The following IQGAP2 variants were observed in gnomAD, a reference collection of about 807,000 sequenced individuals.
IQGAP2 encodes ras GTPase-activating-like protein IQGAP2.
IQGAP2 carries 173 observed loss-of-function variants against 201.3 expected under a neutral mutation model. The ratio of observed to expected loss-of-function variants is 0.86; its 90% confidence interval spans 0.76 to 0.98. The LOEUF (loss-of-function observed/expected upper bound fraction) is 0.98, where lower values mean the gene tolerates loss of function less well. Among genes scored for constraint, IQGAP2 ranks in the 50% least tolerant of loss-of-function variants. The probability of loss-of-function intolerance (pLI) is 0.00; values close to 1 mark genes in which losing one functional copy is unlikely to be tolerated. For synonymous variants in IQGAP2, 675 were observed against 673.9 expected (o/e 1.00, Z -0.03); for missense variants, 1,687 against 1,864.8 (o/e 0.90, Z 1.76).
chr5:76,489,493 G>A (rs529346232), intron 2 of IQGAP2, among the ~76,000 whole-genome samples: 6 of 151,810 alleles, frequency 4.0e-5, no homozygotes, highest in East Asian at 1.9e-4. Context: ...ATGGAGTCTC[G>A]CTCTGTCCCC....
chr5:76,446,989 A>G (rs919688721), intron 1 of IQGAP2, among the ~76,000 whole-genome samples: 5 of 152,188 alleles, frequency 3.3e-5, no homozygotes, highest in South Asian at 2.1e-4. Flanking sequence ...GCACCAGTGC[A>G]TTAAGAAGGT....
intron 2 of IQGAP2, among the ~76,000 whole-genome samples, chr5:76,561,502 T>C (rs1315057524): frequency 1.3e-5 from 2 of 152,186 alleles, no homozygotes; most frequent in African/African-American, 2.4e-5. Context: ...ACGCTAATAG[T>C]TGGATTTGTA....
chr5:76,675,300 C>T (rs908798902), intron 27 of IQGAP2, among the ~76,000 whole-genome samples: 9 of 152,118 alleles, frequency 5.9e-5, no homozygotes, highest in African/African-American at 1.4e-4. Flanking sequence ...CTTGAGTATG[C>T]ACAAATTTTG....
intron 15 of IQGAP2, among the ~76,000 whole-genome samples, chr5:76,636,381 A>G (rs1459420358): frequency 6.6e-6 from 1 of 152,198 alleles, no homozygotes; most frequent in Non-Finnish European, 1.5e-5. Flanking sequence ...CATGACTACC[A>G]TAGGATTTTC....
chr5:76,508,161 T>C (rs1475786135), intron 2 of IQGAP2, among the ~76,000 whole-genome samples: 3 of 142,050 alleles, frequency 2.1e-5, no homozygotes, highest in South Asian at 4.5e-4. Flanking sequence ...CAAAACCCCA[T>C]CTCAACTAAA....
At chr5:76,569,614 T>C (rs1407536121) in intron 3 of IQGAP2, among the ~76,000 whole-genome samples, 1 of 152,238 alleles carries the variant, frequency 6.6e-6, no homozygotes, top group East Asian at 1.9e-4. Context: ...GAAAATACTT[T>C]TTATACAACA....
rs1435445268 is a variant in IQGAP2 at position 76,601,069 on chromosome 5, A to G, written c.1232+97A>G. The stretch of plus-strand genomic sequence containing the variant: ...TGCCTGTTGGTGGAGAAATCCATAT[A>G]CCATGCTCATGTTTCTTGAAAACTA... On this transcript the variant is annotated intron_variant, in intron 11 of 35. Coordinates refer to ENST00000274364, the MANE Select transcript of IQGAP2 (RefSeq NM_006633.5). 5.1e-6 allele frequency: 6 copies of G among 1,166,294 alleles called. No individual in the cohort carries two copies. The East Asian group carries it at 1.5e-4, about 29-fold the overall frequency. 72.2% of individuals were successfully genotyped at this position (1,166,294 alleles called of 1,614,324 possible). A position where few individuals can be genotyped will look rare whatever the true frequency, so the allele number is the denominator to read the frequency against.
chr5:76,615,746 C>T (rs1157697341), intron 13 of IQGAP2: 1 of 83,404 alleles, frequency 1.2e-5, no homozygotes, highest in Non-Finnish European at 3.1e-5. Context: ...CATTTACTTA[C>T]AGGAATATAA....
intron 2 of IQGAP2, among the ~76,000 whole-genome samples, chr5:76,480,602 C>G (rs371964370): frequency 6.6e-6 from 1 of 152,182 alleles, no homozygotes; most frequent in Non-Finnish European, 1.5e-5. Flanking sequence ...GTCTCATATA[C>G]ATAGGCAACT....
chr5:76,637,181 G>C lies in IQGAP2; in HGVS notation c.1923+5G>C, dbSNP rs774479692. ...CTCACAGGAAAAGAAATCGAGGTAGGAGGTTGGTGTTTGATGGATAACTCT... is the reference window on the plus strand; with the variant it reads ...CTCACAGGAAAAGAAATCGAGGTAGCAGGTTGGTGTTTGATGGATAACTCT... On this transcript the variant is annotated splice_donor_5th_base_variant and intron_variant, in intron 16 of 35. Transcript: ENST00000274364. The C allele has an allele frequency of 6.3e-7, 1 of 1,598,476 alleles. No homozygotes were observed. Among genetic ancestry groups the C allele is most frequent in the Non-Finnish European group, 8.5e-7 (1 of 1,174,206 alleles).
In IQGAP2 at chr5:76,697,986, G is replaced by T. The variant is rs1746911836; in HGVS notation, c.4207-1G>T. On this transcript the variant is annotated splice_acceptor_variant, in intron 32 of 35. Transcript: ENST00000274364. LOFTEE classifies it high-confidence loss of function. ...ATGATACCCCTTACTTGTTGTTTTA[G>T]GATATTCGAAATCAAAGAATCTATC... The T allele has an allele frequency of 6.2e-7, 1 of 1,608,794 alleles. No individual in the cohort carries two copies. The highest frequency in any genetic ancestry group is 2.2e-5 in the East Asian group (1 of 44,674).
intron 2 of IQGAP2, among the ~76,000 whole-genome samples, chr5:76,497,987 A>G (rs1757078511): frequency 6.6e-6 from 1 of 152,184 alleles, no homozygotes. Context: ...TGTACTCAGC[A>G]TATCCTAAGT....
At chr5:76,480,766 T>C (rs1403969765) in intron 2 of IQGAP2, among the ~76,000 whole-genome samples, 2 of 152,322 alleles carry the variant, frequency 1.3e-5, no homozygotes, top group East Asian at 3.9e-4. Context: ...TGACTGAGGA[T>C]GTGAGAGAAT....
chr5:76,700,279 C>G (rs887038126), intron 33 of IQGAP2, among the ~76,000 whole-genome samples: 1 of 152,128 alleles, frequency 6.6e-6, no homozygotes, highest in Non-Finnish European at 1.5e-5. Flanking sequence ...TTTTCTCATC[C>G]TTAAGGTGGA....
At chr5:76,418,729 A>G (rs1751554073) in intron 1 of IQGAP2, among the ~76,000 whole-genome samples, 1 of 152,198 alleles carries the variant, frequency 6.6e-6, no homozygotes, top group African/African-American at 2.4e-5. Flanking sequence ...ACACTGGAGG[A>G]TAAAGCTTGG....
intron 35 of IQGAP2, among the ~76,000 whole-genome samples, chr5:76,703,652 G>A (rs1213837374): frequency 6.1e-5 from 3 of 49,500 alleles, no homozygotes; most frequent in Admixed American, 3.2e-4. Flanking sequence ...CAGTTTCTGT[G>A]CAAAAAAAAA....
intron 1 of IQGAP2, among the ~76,000 whole-genome samples, chr5:76,406,449 G>A (rs926077004): frequency 6.6e-6 from 1 of 152,208 alleles, no homozygotes; most frequent in Non-Finnish European, 1.5e-5. Context: ...GGGAAGAGGT[G>A]GAAGAAGGAA....
chr5:76,507,177 A>G (rs10066611), intron 2 of IQGAP2, among the ~76,000 whole-genome samples: 31,855 of 152,196 alleles, frequency 0.21, 3,875 homozygotes, highest in African/African-American at 0.33. Context: ...AAATAGATCA[A>G]TGGAACAGAA....
chr5:76,469,491 C>G (rs951007669), intron 2 of IQGAP2, among the ~76,000 whole-genome samples: 2 of 151,804 alleles, frequency 1.3e-5, no homozygotes, highest in Non-Finnish European at 2.9e-5. Flanking sequence ...ACCTCCACCT[C>G]CTGGGTTCAA....
Sources: gnomAD v4.1 joint callset for allele counts (sites outside exome capture counted in the v4.1 genomes callset) on GRCh38, gnomAD v4.1.1 for gene constraint, MANE v1.5 for transcripts, NCBI Gene and HGNC (gene_info 2026-07-23, HGNC 2026-07-21) for gene names.